Variants in IGF1R observed in about 807,000 individuals in gnomAD.
The protein encoded by IGF1R is insulin like growth factor 1 receptor, also known as insulin-like growth factor 1 receptor.
IGF1R carries 44 observed loss-of-function variants against 144.6 expected under a neutral mutation model. The ratio of observed to expected loss-of-function variants is 0.30; its 90% CI spans 0.24 to 0.39. The LOEUF is 0.39. IGF1R is among the 10% of genes least tolerant of loss of function. IGF1R has a pLI of 1.00. For missense variants in IGF1R, 1,355 were observed against 1,833.7 expected, an observed-to-expected ratio of 0.74 and a Z score of 4.77; for synonymous variants, 795 against 722.8, an observed-to-expected ratio of 1.10 and a Z score of -1.60.
intron 2 of IGF1R, among the ~76,000 whole-genome samples, chr15:98,841,584 C>T (rs1412979822): frequency 6.6e-6 from 1 of 152,118 alleles, no homozygotes; most frequent in African/African-American, 2.4e-5. Context: ...CTTGCCTGCC[C>T]CAGGGAGGAG....
intron 6 of IGF1R, 126 bp from the exon 7 acceptor site, chr15:98,911,189 G>T: frequency 9.7e-7 from 1 of 1,032,756 alleles, no homozygotes; most frequent in Non-Finnish European, 1.5e-6. Context: ...AGCCACTGAG[G>T]AAGCCCAGAA....
chr15:98,809,500 C>T (rs753177024), intron 2 of IGF1R, among the ~76,000 whole-genome samples: 10 of 152,102 alleles, frequency 6.6e-5, no homozygotes, highest in Non-Finnish European at 1.2e-4. Context: ...CCTGGTCTAC[C>T]GGGCAAGAAA....
chr15:98,823,536 C>T (rs2141483324), intron 2 of IGF1R, among the ~76,000 whole-genome samples: 1 of 152,338 alleles, frequency 6.6e-6, no homozygotes, highest in Non-Finnish European at 1.5e-5. Flanking sequence ...AATTCAAAGT[C>T]TATTTTCTGG....
At chr15:98,951,389 A>G (rs947353068) in intron 20 of IGF1R, among the ~76,000 whole-genome samples, 1 of 152,260 alleles carries the variant, frequency 6.6e-6, no homozygotes, top group Non-Finnish European at 1.5e-5. Flanking sequence ...AGAGACTCGA[A>G]AGACCACTTA....
At chr15:98,772,510 A>ATTATTATTATTATTATTATTGTTATTG (rs60796484) in intron 2 of IGF1R, among the ~76,000 whole-genome samples, 1 of 141,948 alleles carries the variant, frequency 7.0e-6, no homozygotes. Flanking sequence ...TATTATTATT[A>ATTATTATTATTATTATTATTGTTATTG]TTATTTTAAG....
chr15:98,836,720 C>G lies in IGF1R; in HGVS notation c.641-54605C>G, dbSNP rs1263347490. 2.6e-5 allele frequency among the ~76,000 whole-genome samples: 4 copies of G among 152,184 alleles called. No homozygotes were observed. The East Asian group carries it at 7.7e-4, about 29-fold the overall frequency. Reference sequence around the variant, plus strand: ...CAACATCCTTCATTGTGTTTACTTACTATATCTAGTCTTCTCCAGTCTGTA... The same window carrying G: ...CAACATCCTTCATTGTGTTTACTTAGTATATCTAGTCTTCTCCAGTCTGTA... On this transcript the variant is annotated intron_variant, in intron 2 of 20. Coordinates refer to ENST00000650285, the MANE Select transcript of IGF1R (RefSeq NM_000875.5).
chr15:98,768,934 AAC>A (rs2055511830), intron 2 of IGF1R, among the ~76,000 whole-genome samples: 1,015 of 53,168 alleles, frequency 0.019, 13 homozygotes, highest in African/African-American at 0.044. Context: ...TCTCAAAAAC[AAC>A]AACAACAACA....
Position 98,707,448 on chromosome 15 carries a change from C to A in IGF1R, c.95-114C>A. On this transcript the variant is annotated intron_variant, in intron 1 of 20. Transcript: ENST00000650285. The surrounding 1 kb of genome is among the most constrained non-coding windows in gnomAD (Gnocchi z 6.7). Reference sequence around the variant, plus strand: ...AGCTCTGCAGTGAACAATTGAACCTCATTTCTTTAATAATAATACAGGATT... The same window carrying A: ...AGCTCTGCAGTGAACAATTGAACCTAATTTCTTTAATAATAATACAGGATT... 4 of 1,112,084 alleles carry A rather than the reference C, an allele frequency of 3.6e-6. No individual in the cohort carries two copies. Among genetic ancestry groups the A allele is most frequent in the Non-Finnish European group, 5.3e-6 (4 of 751,798 alleles). The allele number at this position is 1,112,084 out of a possible 1,614,324, so 68.9% of individuals were successfully genotyped here.
chr15:98,650,532 C>T (rs2052334135), intron 1 of IGF1R, among the ~76,000 whole-genome samples: 2 of 152,364 alleles, frequency 1.3e-5, no homozygotes, highest in South Asian at 4.1e-4. Flanking sequence ...TGGAGGGGTA[C>T]TAGGGCCGCA....
intron 2 of IGF1R, among the ~76,000 whole-genome samples, chr15:98,777,669 T>C (rs1014359654): frequency 6.6e-6 from 1 of 152,200 alleles, no homozygotes; most frequent in African/African-American, 2.4e-5. Context: ...CCAGGCCCCA[T>C]ACCTTGGTGG....
chr15:98,879,222 A>C (rs1435740466), intron 2 of IGF1R, among the ~76,000 whole-genome samples: 1 of 152,210 alleles, frequency 6.6e-6, no homozygotes, highest in South Asian at 2.1e-4. Context: ...ATGAGTTTAA[A>C]AGAAAGAATT....
intron 2 of IGF1R, among the ~76,000 whole-genome samples, chr15:98,742,759 C>A (rs1433695106): frequency 1.3e-5 from 2 of 152,190 alleles, no homozygotes; most frequent in Non-Finnish European, 2.9e-5. Flanking sequence ...ATTGCACTCA[C>A]AATGGGCCGG....
At chr15:98,799,135 A>G (rs2056309675) in intron 2 of IGF1R, among the ~76,000 whole-genome samples, 1 of 152,188 alleles carries the variant, frequency 6.6e-6, no homozygotes, top group Non-Finnish European at 1.5e-5. Context: ...TAAGAGTGGG[A>G]CCAGAGAATA....
At chr15:98,743,356 A>C (rs1304161760) in intron 2 of IGF1R, among the ~76,000 whole-genome samples, 1 of 152,048 alleles carries the variant, frequency 6.6e-6, no homozygotes, top group Non-Finnish European at 1.5e-5. Context: ...CCAGTGAGTC[A>C]CTCATCTCCT....
At chr15:98,740,278 G>A (rs1355719773) in intron 2 of IGF1R, among the ~76,000 whole-genome samples, 1 of 152,142 alleles carries the variant, frequency 6.6e-6, no homozygotes, top group Non-Finnish European at 1.5e-5. Flanking sequence ...TGCCACTCTT[G>A]GGGCTTTATT....
At chr15:98,766,533 G>A (rs45570943) in intron 2 of IGF1R, among the ~76,000 whole-genome samples, 8,489 of 152,206 alleles carry the variant, frequency 0.056, 281 homozygotes, top group East Asian at 0.12. Flanking sequence ...AATATTCTTC[G>A]TATTTTTAAT....
chr15:98,930,094 G>A (rs2151702284), intron 14 of IGF1R, 141 bp from the exon 15 acceptor site: 1 of 715,512 alleles, frequency 1.4e-6, no homozygotes, highest in Non-Finnish European at 2.5e-6. Flanking sequence ...GACAAGAGCT[G>A]CTGTAGACAG....
At chr15:98,817,677 G>A (rs1008101679) in intron 2 of IGF1R, among the ~76,000 whole-genome samples, 4 of 152,192 alleles carry the variant, frequency 2.6e-5, no homozygotes, top group Non-Finnish European at 4.4e-5. Context: ...TGTCAGCTCA[G>A]GCTGCTTTGA....
intron 5 of IGF1R, among the ~76,000 whole-genome samples, chr15:98,905,929 A>G (rs901676755): frequency 6.6e-6 from 1 of 152,204 alleles, no homozygotes; most frequent in Non-Finnish European, 1.5e-5. Flanking sequence ...AAAAACAAGC[A>G]TGGTATTGAC....
Sources: allele counts gnomAD v4.1 joint callset (sites outside exome capture counted in the v4.1 genomes callset), GRCh38; gene constraint gnomAD v4.1.1; non-coding constraint Gnocchi (gnomAD v3.1); transcripts MANE v1.5; gene names NCBI Gene and HGNC (gene_info 2026-07-23, HGNC 2026-07-21).